The following SWT1 variants were observed in gnomAD, a reference collection of about 807,000 sequenced individuals.
The protein encoded by SWT1 is transcriptional protein SWT1.
In SWT1, 33 loss-of-function variants were observed where a neutral mutation model predicts 107.3. The ratio of observed to expected loss-of-function variants is 0.31; its 90% CI spans 0.23 to 0.41. The LOEUF (loss-of-function observed/expected upper bound fraction) is 0.41. SWT1 is among the 10% of genes least tolerant of loss of function. SWT1 has a pLI of 1.00. For synonymous variants in SWT1, 345 were observed against 348.3 expected (o/e 0.99, Z 0.11); for missense variants, 898 against 1,028.9 (o/e 0.87, Z 1.74).
chr1:185,161,634 A>G (rs1320692998), intron 2 of SWT1, among the ~76,000 whole-genome samples: 1 of 152,066 alleles, frequency 6.6e-6, no homozygotes, highest in Non-Finnish European at 1.5e-5. Context: ...CACGGAGACC[A>G]AGGCTGAAGT....
chr1:185,210,184 T>C (rs1372982706), intron 13 of SWT1, among the ~76,000 whole-genome samples: 1 of 152,230 alleles, frequency 6.6e-6, no homozygotes, highest in Non-Finnish European at 1.5e-5. Flanking sequence ...CTGTTCACTC[T>C]GATGATAGTT....
intron 4 of SWT1, among the ~76,000 whole-genome samples, chr1:185,172,911 G>A (rs1305249767): frequency 6.6e-6 from 1 of 152,052 alleles, no homozygotes; most frequent in Non-Finnish European, 1.5e-5. Context: ...GGGCGTGGTG[G>A]TGTGTGCCTG....
At chr1:185,176,472 A>G (rs1655569452) in intron 5 of SWT1, 1 of 699,484 alleles carries the variant, frequency 1.4e-6, no homozygotes, top group Non-Finnish European at 1.8e-6. Context: ...AGCTTGGCAC[A>G]TCTATTTTGC....
In SWT1 at chr1:185,177,302, A is replaced by G. The variant is rs539667003; in HGVS notation, c.966+2189A>G. On this transcript the variant is annotated intron_variant, in intron 5 of 18. Transcript: ENST00000367500. The stretch of plus-strand genomic sequence containing the variant: ...TTGCCTGGTTTTCCCATTGTGCTAT[A>G]CATCTAAGGAATAGCATGAGAAATC... 3.3e-5 allele frequency among the ~76,000 whole-genome samples: 5 copies of G among 152,332 alleles called. No individual in the cohort carries two copies. The South Asian group carries it at 8.3e-4, about 25-fold the overall frequency.
intron 18 of SWT1, among the ~76,000 whole-genome samples, chr1:185,278,099 A>T (rs1195022603): frequency 2.6e-5 from 4 of 152,018 alleles, no homozygotes; most frequent in African/African-American, 9.7e-5. Context: ...ACAGGGATTG[A>T]TTACAGGCAT....
intron 13 of SWT1, among the ~76,000 whole-genome samples, chr1:185,211,605 G>T (rs917066378): frequency 6.6e-6 from 1 of 152,200 alleles, no homozygotes; most frequent in Non-Finnish European, 1.5e-5. Flanking sequence ...TACACTGTTG[G>T]TGGGACTGTA....
chr1:185,257,905 T>G (rs1662729374), intron 16 of SWT1: 1 of 152,072 alleles, frequency 6.6e-6, no homozygotes, highest in South Asian at 2.1e-4. Context: ...ATTATTTTAT[T>G]TTTTTTTAAG....
chr1:185,276,375 C>T (rs887363290), intron 17 of SWT1, among the ~76,000 whole-genome samples: 1 of 152,130 alleles, frequency 6.6e-6, no homozygotes, highest in African/African-American at 2.4e-5. Flanking sequence ...GCCCATCTCA[C>T]CTCTGCTGGT....
chr1:185,175,202 GTTTT>G, intron 5 of SWT1, 89 bp downstream of exon 5: 63 of 722,386 alleles, frequency 8.7e-5, no homozygotes, highest in South Asian at 1.3e-4. Context: ...ATTTTTTTCT[GTTTT>G]TTTTTTTTTT....
At chr1:185,169,625 G>C (rs1443214423) in intron 4 of SWT1, among the ~76,000 whole-genome samples, 1 of 152,052 alleles carries the variant, frequency 6.6e-6, no homozygotes, top group Non-Finnish European at 1.5e-5. Flanking sequence ...GGGCACAATG[G>C]GTCATACCTG....
Position 185,175,086 on chromosome 1 carries a change from T to C in SWT1, c.939T>C (p.Asp313=), listed in dbSNP as rs761367232. Reference sequence around the variant, plus strand: ...ATTATGACCATCAAGAAAGTAATGATTCACATTCTAGGGAAAACCTAACCC... The same window carrying C: ...ATTATGACCATCAAGAAAGTAATGACTCACATTCTAGGGAAAACCTAACCC... ...KHHYDHQESN[D]SHSRENLTQS... is the part of the protein sequence containing the mutation. Residue 313 remains aspartate, a synonymous_variant, in exon 5 of 19, where the codon GAT becomes GAC. Coordinates refer to ENST00000367500, the MANE Select transcript of SWT1 (RefSeq NM_017673.7). 3.2e-6 allele frequency: 5 copies of C among 1,567,290 alleles called. No homozygotes were observed. The South Asian group carries it at 4.8e-5, about 15-fold the overall frequency.
intron 15 of SWT1, chr1:185,227,066 T>C: frequency 2.0e-6 from 2 of 1,005,302 alleles, no homozygotes; most frequent in Non-Finnish European, 3.1e-6. Context: ...CTTCTTCCAT[T>C]AAATAGCACA....
intron 17 of SWT1, 117 bp downstream of exon 17, chr1:185,271,506 T>A: frequency 3.3e-6 from 2 of 597,326 alleles, no homozygotes; most frequent in Non-Finnish European, 6.0e-6. Flanking sequence ...ATATTTGCTT[T>A]AAATTATTGA....
intron 16 of SWT1, among the ~76,000 whole-genome samples, chr1:185,263,034 G>A (rs905539585): frequency 2.0e-5 from 3 of 152,186 alleles, no homozygotes; most frequent in Non-Finnish European, 2.9e-5. Flanking sequence ...TGATTCACCC[G>A]CCTCAGCCTT....
chr1:185,271,609 A>G (rs1011446719), intron 17 of SWT1, among the ~76,000 whole-genome samples: 2 of 152,188 alleles, frequency 1.3e-5, no homozygotes, highest in African/African-American at 2.4e-5. Flanking sequence ...TTGATATGTT[A>G]TACATAGTGA....
intron 9 of SWT1, among the ~76,000 whole-genome samples, chr1:185,188,167 C>T (rs540278669): frequency 3.9e-5 from 6 of 152,220 alleles, no homozygotes; most frequent in South Asian, 2.1e-4. Flanking sequence ...GGTCTGTTTC[C>T]GGAGTCTTTA....
At chr1:185,170,552 C>T (rs1288850041) in intron 4 of SWT1, among the ~76,000 whole-genome samples, 1 of 152,158 alleles carries the variant, frequency 6.6e-6, no homozygotes, top group Admixed American at 6.5e-5. Context: ...CACAAAGGGC[C>T]CCTAACTCTG....
At chr1:185,171,675 G>GC (rs1010452071) in intron 4 of SWT1, 1 of 500,544 alleles carries the variant, frequency 2.0e-6, no homozygotes, top group Non-Finnish European at 3.9e-6. Context: ...TTTTTTTTTT[G>GC]CCCCCCTTTA....
chr1:185,277,594 C>T (rs1161169659), intron 18 of SWT1, among the ~76,000 whole-genome samples: 2 of 152,040 alleles, frequency 1.3e-5, no homozygotes, highest in East Asian at 1.9e-4. Flanking sequence ...CTGGCCACAT[C>T]TTAGTCTTAT....
Sources: allele counts gnomAD v4.1 joint callset (sites outside exome capture counted in the v4.1 genomes callset), GRCh38; gene constraint gnomAD v4.1.1; transcripts MANE v1.5; gene names NCBI Gene and HGNC (gene_info 2026-07-23, HGNC 2026-07-21).